Variants in SLC4A4 observed in about 807,000 individuals in gnomAD.
SLC4A4 encodes electrogenic sodium bicarbonate cotransporter 1.
In SLC4A4, 27 loss-of-function variants were observed where a neutral mutation model predicts 111.5. The ratio of observed to expected loss-of-function variants is 0.24; its 90% CI spans 0.18 to 0.33. The LOEUF (loss-of-function observed/expected upper bound fraction) is 0.33, where lower values mean the gene tolerates loss of function less well. Ranked by LOEUF, SLC4A4 falls within the 10% of genes least tolerant of loss-of-function variation. SLC4A4 has a pLI of 1.00. For missense variants in SLC4A4, 909 were observed against 1,315.5 expected (o/e 0.69, Z 4.78); for synonymous variants, 443 against 463.4 (o/e 0.96, Z 0.57).
chr4:71,458,084 C>T (rs1404311754), intron 12 of SLC4A4, among the ~76,000 whole-genome samples: 2 of 151,888 alleles, frequency 1.3e-5, no homozygotes, highest in Admixed American at 1.3e-4. Context: ...ATGGATGGGC[C>T]AATTCATTTA....
At chr4:71,089,208 C>T (rs1045103836) in intron 1 of SLC4A4, among the ~76,000 whole-genome samples, 2 of 152,046 alleles carry the variant, frequency 1.3e-5, no homozygotes, top group African/African-American at 2.4e-5. Context: ...GAGGGTTGTG[C>T]ATTCGTCACA....
intron 1 of SLC4A4, among the ~76,000 whole-genome samples, chr4:71,083,887 A>G (rs1439912575): frequency 6.6e-6 from 1 of 150,534 alleles, no homozygotes; most frequent in East Asian, 2.0e-4. Flanking sequence ...TGCCTGGCAC[A>G]TGGTAAGCAT....
chr4:71,111,322 T>G (rs28362153), intron 2 of SLC4A4, among the ~76,000 whole-genome samples: 4,285 of 152,154 alleles, frequency 0.028, 79 homozygotes, highest in Middle Eastern at 0.058. Context: ...TGTAAGGGTA[T>G]CAGATGACTG....
intron 16 of SLC4A4, among the ~76,000 whole-genome samples, chr4:71,503,882 C>T (rs1479142855): frequency 6.6e-6 from 1 of 152,136 alleles, no homozygotes; most frequent in Non-Finnish European, 1.5e-5. Flanking sequence ...TGAATTCCCT[C>T]AGCTTTTGCT....
chr4:71,398,882 G>T (rs1720090268), intron 7 of SLC4A4, among the ~76,000 whole-genome samples: 1 of 152,018 alleles, frequency 6.6e-6, no homozygotes, highest in Non-Finnish European at 1.5e-5. Flanking sequence ...GTTCTGGTTG[G>T]CTCCATGCTT....
chr4:71,405,612 A>G (rs1720769792), intron 7 of SLC4A4, among the ~76,000 whole-genome samples: 1 of 152,154 alleles, frequency 6.6e-6, no homozygotes, highest in Non-Finnish European at 1.5e-5. Flanking sequence ...TTGCTGGATT[A>G]CCGTGTATTG....
upstream of SLC4A4, among the ~76,000 whole-genome samples, chr4:71,184,753 G>A (rs973765110): frequency 6.6e-6 from 1 of 152,084 alleles, no homozygotes; most frequent in Admixed American, 6.6e-5. Context: ...GTTATCACCC[G>A]GAAAAGCAAT....
At chr4:71,376,826 G>A (rs1488284535) in intron 6 of SLC4A4, among the ~76,000 whole-genome samples, 3 of 151,590 alleles carry the variant, frequency 2.0e-5, no homozygotes, top group African/African-American at 7.3e-5. Context: ...TAGTAGAGAC[G>A]GGGTTTTGCC....
chr4:71,559,042 T>G (rs1736730366), intron 22 of SLC4A4, among the ~76,000 whole-genome samples: 1 of 151,880 alleles, frequency 6.6e-6, no homozygotes, highest in Non-Finnish European at 1.5e-5. Flanking sequence ...AAATAATAAT[T>G]TTAAAATGGT....
chr4:71,547,543 G>A lies in SLC4A4; in HGVS notation c.2622-105G>A, dbSNP rs1446741906. The A allele has an allele frequency of 1.2e-5, 11 of 911,366 alleles. No homozygotes were observed. In the Admixed American group the frequency reaches 1.7e-4, roughly 14 times the overall value. The allele number at this position is 911,366 out of a possible 1,614,324, so 56.5% of individuals were successfully genotyped here. On this transcript the variant is annotated intron_variant, in intron 19 of 25. Transcript: ENST00000264485. ...TGATATCAACACCTTTGTTGTTTTA[G>A]CCAAACATTGATTTTGTCAATGTGT...
At chr4:71,261,053 A>G (rs1721818667) in intron 3 of SLC4A4, among the ~76,000 whole-genome samples, 1 of 152,174 alleles carries the variant, frequency 6.6e-6, no homozygotes, top group Non-Finnish European at 1.5e-5. Context: ...TTCTGCCACA[A>G]ATTCTCACTA....
At chr4:71,068,253 C>T (rs555302732) in intron 1 of SLC4A4, among the ~76,000 whole-genome samples, 44 of 151,658 alleles carry the variant, frequency 2.9e-4, no homozygotes, top group African/African-American at 1.0e-3. Context: ...TTAGTAGAGA[C>T]GGGGTTTCAC....
chr4:71,257,614 G>T (rs1239943465), intron 3 of SLC4A4, among the ~76,000 whole-genome samples: 1 of 152,138 alleles, frequency 6.6e-6, no homozygotes, highest in Non-Finnish European at 1.5e-5. Flanking sequence ...AAAACTGAAT[G>T]AAATACTTGC....
At chr4:71,514,606 G>T (rs1175434796) in intron 16 of SLC4A4, among the ~76,000 whole-genome samples, 1 of 152,190 alleles carries the variant, frequency 6.6e-6, no homozygotes, top group African/African-American at 2.4e-5. Context: ...GAACTCCACA[G>T]TGAATCTATC....
intron 23 of SLC4A4, among the ~76,000 whole-genome samples, chr4:71,561,419 A>G (rs939127655): frequency 1.3e-5 from 2 of 151,846 alleles, no homozygotes; most frequent in Non-Finnish European, 2.9e-5. Flanking sequence ...CCATAGTGGC[A>G]AGGCCAAAAC....
At chr4:71,459,483 T>G (rs1199141503) in intron 12 of SLC4A4, among the ~76,000 whole-genome samples, 1 of 152,054 alleles carries the variant, frequency 6.6e-6, no homozygotes, top group Non-Finnish European at 1.5e-5. Flanking sequence ...TACATAACTT[T>G]AGTATTTCAT....
chr4:71,121,871 CACA>C, intron 2 of SLC4A4, among the ~76,000 whole-genome samples: 1 of 152,142 alleles, frequency 6.6e-6, no homozygotes, highest in African/African-American at 2.4e-5. Context: ...CTGTAACACT[CACA>C]ACGAATGTCT....
intron 2 of SLC4A4, among the ~76,000 whole-genome samples, chr4:71,113,028 A>C (rs1416846865): frequency 6.6e-6 from 1 of 152,204 alleles, no homozygotes; most frequent in African/African-American, 2.4e-5. Flanking sequence ...GAGATCCTGA[A>C]GTAAGATCTG....
At chr4:71,468,425 T>C (rs772767704) in intron 13 of SLC4A4, among the ~76,000 whole-genome samples, 2 of 152,052 alleles carry the variant, frequency 1.3e-5, no homozygotes, top group African/African-American at 2.4e-5. Context: ...GAGATACAGA[T>C]TATTTCCTTT....
Sources: allele counts gnomAD v4.1 joint callset (sites outside exome capture counted in the v4.1 genomes callset), GRCh38; gene constraint gnomAD v4.1.1; transcripts MANE v1.5; gene names NCBI Gene and HGNC (gene_info 2026-07-23, HGNC 2026-07-21).